The following NMNAT3 variants were observed in gnomAD, a reference collection of about 807,000 sequenced individuals.
NMNAT3 encodes the protein nicotinamide nucleotide adenylyltransferase 3, also known as nicotinamide/nicotinic acid mononucleotide adenylyltransferase 3.
In NMNAT3, 21 loss-of-function variants were observed where a neutral mutation model predicts 24.8. The observed-to-expected ratio is 0.85, with a 90% CI of 0.60 to 1.22. The LOEUF is 1.22. Among genes scored for constraint, NMNAT3 ranks in the 50% most tolerant of loss-of-function variants. The pLI is 0.00. For synonymous variants in NMNAT3, 136 were observed against 155.2 expected (o/e 0.88, Z 0.92); for missense variants, 387 against 436.6 (o/e 0.89, Z 1.01).
intron 1 of NMNAT3, among the ~76,000 whole-genome samples, chr3:139,638,345 C>T (rs2056579610): frequency 6.6e-6 from 1 of 152,200 alleles, no homozygotes. Flanking sequence ...TCTCTCCCTG[C>T]CTCTGCCCAT....
chr3:139,576,075 C>G (rs185419764), intron 5 of NMNAT3: 1 of 1,284,660 alleles, frequency 7.8e-7, no homozygotes. Flanking sequence ...TCAGTAAGCT[C>G]TACAGTGAAT....
intron 3 of NMNAT3, among the ~76,000 whole-genome samples, chr3:139,623,885 A>G (rs538487044): frequency 6.8e-4 from 104 of 152,250 alleles, no homozygotes; most frequent in African/African-American, 2.4e-3. Context: ...CCTATGCTAG[A>G]CTTTTTAGAC....
chr3:139,583,369 T>C, intron 3 of NMNAT3: 2 of 1,542,118 alleles, frequency 1.3e-6, no homozygotes, highest in Admixed American at 1.7e-5. Flanking sequence ...CATTTTCAAC[T>C]GGAATGTAAC....
chr3:139,676,921 C>G lies in NMNAT3; in HGVS notation c.-141+784G>C, dbSNP rs375575690. Among the ~76,000 whole-genome samples the G allele has an allele frequency of 2.6e-5, 4 of 152,324 alleles. 1 individual carries two copies. On this transcript the variant is annotated intron_variant, in intron 1 of 6. Transcript: ENST00000643695. ...GTGCAGAGTAACATCCAGCACCCAT[C>G]ACGCAGTGCTAAGTCATTTACATTC...
intron 1 of NMNAT3, among the ~76,000 whole-genome samples, chr3:139,649,089 C>G (rs1344370558): frequency 6.6e-6 from 1 of 152,098 alleles, no homozygotes; most frequent in Non-Finnish European, 1.5e-5. Flanking sequence ...TATACTAATG[C>G]ACTTTTTCCC....
rs946417132 is a variant in NMNAT3, at chr3:139,583,632, C to T, written c.110-424G>A. On this transcript the variant is annotated intron_variant, in intron 3 of 6. Transcript: ENST00000643695. Reference sequence around the variant, plus strand: ...AAAAGTTTAACAGCTATTTCTAAAACACATATCATCTGAAGCTATGGAAGT... The same window carrying T: ...AAAAGTTTAACAGCTATTTCTAAAATACATATCATCTGAAGCTATGGAAGT... 32 of 975,290 alleles carry T rather than the reference C, an allele frequency of 3.3e-5. 1 individual carries two copies. In the African/African-American group the frequency reaches 4.0e-4, roughly 12 times the overall value. 60.4% of individuals were successfully genotyped at this position (975,290 alleles called of 1,614,324 possible).
chr3:139,568,727 T>G (rs1937592241), intron 6 of NMNAT3: 1 of 152,216 alleles, frequency 6.6e-6, no homozygotes, highest in Non-Finnish European at 1.5e-5. Context: ...TAATTTCTGT[T>G]CTTTTACATT....
At chr3:139,648,586 C>A (rs998163059) in intron 1 of NMNAT3, among the ~76,000 whole-genome samples, 2 of 152,126 alleles carry the variant, frequency 1.3e-5, no homozygotes, top group Admixed American at 6.5e-5. Flanking sequence ...CTCATAGTTT[C>A]GATAGGGATG....
chr3:139,612,618 A>C lies in NMNAT3; in HGVS notation c.109+14998T>G, dbSNP rs115323306. Among the ~76,000 whole-genome samples the C allele has an allele frequency of 7.3e-3, 1,105 of 152,258 alleles. 11 individuals are homozygous for C. The highest frequency in any genetic ancestry group is 0.024 in the African/African-American group (1,011 of 41,552). ...CAGAGTCAGCAAGTCCTATCACTGG[A>C]TGAGGATCTGGGCTGAGAATCAGGT... On this transcript the variant is annotated intron_variant, in intron 3 of 6. Transcript: ENST00000643695.
chr3:139,664,027 A>T (rs2108435455), intron 1 of NMNAT3, among the ~76,000 whole-genome samples: 2 of 152,360 alleles, frequency 1.3e-5, no homozygotes, highest in Middle Eastern at 6.8e-3. Context: ...TTGTGCAATG[A>T]AAAGAAAAAC....
intron 6 of NMNAT3, chr3:139,568,382 T>G (rs1329151482): frequency 6.6e-6 from 1 of 152,202 alleles, no homozygotes; most frequent in Non-Finnish European, 1.5e-5. Context: ...TGCCTTCTGC[T>G]AGCTTTTGAA....
intron 1 of NMNAT3, among the ~76,000 whole-genome samples, chr3:139,653,344 A>T (rs2057120651): frequency 6.6e-6 from 1 of 152,198 alleles, no homozygotes; most frequent in Admixed American, 6.5e-5. Context: ...TAATTTAAAA[A>T]AAAACTGTTC....
rs2053741209 is a variant in NMNAT3, at chr3:139,583,088, TC to T, written c.229del (p.Asp77MetfsTer21). On this transcript the variant is annotated frameshift_variant, in exon 4 of 7. Transcript: ENST00000643695. LOFTEE classifies it high-confidence loss of function. ...TTTAAAAGATGACTTGTCAGGGTCA[TC>T]ATTTTTGCTGCTAACATTATTTTGA... The T allele has an allele frequency of 1.9e-6, 3 of 1,584,508 alleles. No homozygotes were observed. In the Admixed American group the frequency reaches 5.1e-5, roughly 27 times the overall value.
At chr3:139,665,529 G>A (rs957482377) in intron 1 of NMNAT3, among the ~76,000 whole-genome samples, 9 of 152,158 alleles carry the variant, frequency 5.9e-5, no homozygotes, top group African/African-American at 1.9e-4. Context: ...AAGGCACTGT[G>A]GGAAGAGGAT....
intron 3 of NMNAT3, chr3:139,599,540 C>A: frequency 3.2e-6 from 2 of 616,214 alleles, no homozygotes; most frequent in Admixed American, 2.9e-5. Flanking sequence ...GGTAATGTAG[C>A]ATGTTAAGAA....
At chr3:139,592,822 C>A (rs1234128182) in intron 3 of NMNAT3, among the ~76,000 whole-genome samples, 1 of 152,104 alleles carries the variant, frequency 6.6e-6, no homozygotes, top group Non-Finnish European at 1.5e-5. Context: ...GAAGGAAGCA[C>A]TAAACATGGA....
chr3:139,635,121 A>C (rs2056451827), intron 2 of NMNAT3: 1 of 152,200 alleles, frequency 6.6e-6, no homozygotes, highest in Non-Finnish European at 1.5e-5. Flanking sequence ...TTTGTCTTTC[A>C]TTGTGTTTAA....
At chr3:139,617,310 C>A (rs1361697848) in intron 3 of NMNAT3, among the ~76,000 whole-genome samples, 8 of 152,204 alleles carry the variant, frequency 5.3e-5, no homozygotes, top group African/African-American at 1.9e-4. Flanking sequence ...ACACCCAACA[C>A]AGGTGGACAC....
chr3:139,576,384 G>A (rs1939311130), intron 5 of NMNAT3: 8 of 552,572 alleles, frequency 1.4e-5, no homozygotes, highest in African/African-American at 4.0e-5. Context: ...GACTGTAACA[G>A]TGATTCTCAA....
Sources: allele counts gnomAD v4.1 joint callset (sites outside exome capture counted in the v4.1 genomes callset), GRCh38; gene constraint gnomAD v4.1.1; transcripts MANE v1.5; gene names NCBI Gene and HGNC (gene_info 2026-07-23, HGNC 2026-07-21).